Variants in TARS1 observed in about 807,000 individuals in gnomAD.
TARS1 encodes threonyl-tRNA synthetase 1.
A neutral mutation model predicts 97.7 loss-of-function variants in TARS1; 57 were observed. The ratio of observed to expected loss-of-function variants is 0.58; its 90% CI spans 0.47 to 0.73. TARS1 has a LOEUF of 0.73. Ranked by LOEUF, TARS1 falls within the 30% of genes least tolerant of loss-of-function variation. TARS1 has a pLI of 0.00. For synonymous variants in TARS1, 312 were observed against 293.7 expected, an observed-to-expected ratio of 1.06 and a Z score of -0.64; for missense variants, 806 against 888.3, an observed-to-expected ratio of 0.91 and a Z score of 1.18.
intron 17 of TARS1, among the ~76,000 whole-genome samples, chr5:33,464,893 G>A (rs933090184): frequency 6.6e-6 from 1 of 151,594 alleles, no homozygotes; most frequent in East Asian, 1.9e-4. Flanking sequence ...GTGAAACCCC[G>A]TCTCTACTAA....
rs149737496 is a variant in TARS1 at position 33,441,022 on chromosome 5, C to T, written c.-65C>T. The T allele has an allele frequency of 3.5e-4, 557 of 1,606,740 alleles. 2 individuals are homozygous for T. In the African/African-American group the frequency reaches 6.4e-3, roughly 18 times the overall value. Reference sequence around the variant, plus strand: ...CCCGGGCGCTAGCCCACCTCCCACCCGCCTCTTGGCTCCTCTCCTCTAGGC... The same window carrying T: ...CCCGGGCGCTAGCCCACCTCCCACCTGCCTCTTGGCTCCTCTCCTCTAGGC... On this transcript the variant is annotated 5_prime_UTR_variant, in exon 1 of 19. Transcript: ENST00000265112.
rs147899250 is a variant in TARS1, at chr5:33,464,329, C to T, written c.1908+504C>T. On this transcript the variant is annotated intron_variant, in intron 17 of 18. Coordinates refer to ENST00000265112, the MANE Select transcript of TARS1 (RefSeq NM_152295.5). ...AAATACAGTTTAGGCTGCTCTTTGA[C>T]TCAGTGAGTAATTTTGCTTCATTTT... 4.5e-3 allele frequency among the ~76,000 whole-genome samples: 692 copies of T among 152,282 alleles called. 3 individuals carry two copies. The highest frequency in any genetic ancestry group is 6.7e-3 in the Non-Finnish European group (458 of 68,016).
intron 3 of TARS1, chr5:33,452,201 G>A (rs1024388672): frequency 1.5e-6 from 1 of 672,142 alleles, no homozygotes. Flanking sequence ...GAGATTTACA[G>A]TGTAAAGGGT....
intron 3 of TARS1, among the ~76,000 whole-genome samples, chr5:33,450,443 A>G (rs1741675484): frequency 6.6e-6 from 1 of 152,228 alleles, no homozygotes; most frequent in Admixed American, 6.5e-5. Context: ...TACCACAGAC[A>G]TTAGTTAGTA....
chr5:33,460,021 A>C, intron 11 of TARS1, 160 bp downstream of exon 11: 4 of 594,084 alleles, frequency 6.7e-6, no homozygotes, highest in Middle Eastern at 5.0e-4. Context: ...ACCTGATTAG[A>C]TCCCCACTTT....
intron 3 of TARS1, among the ~76,000 whole-genome samples, chr5:33,452,917 G>A (rs1275112487): frequency 6.6e-6 from 1 of 151,544 alleles, no homozygotes; most frequent in African/African-American, 2.4e-5. Flanking sequence ...CAGGCCAGGA[G>A]GCCAGCCTGC....
chr5:33,455,524 C>T lies in TARS1; in HGVS notation c.576-63C>T, dbSNP rs571394044. ...ATTCCAAATACTATTTCCAAATGAA[C>T]ATTTTTCGAAGCCATGGTGTGATTC... On this transcript the variant is annotated intron_variant, in intron 5 of 18. Transcript: ENST00000265112. The T allele has an allele frequency of 1.1e-5, 12 of 1,092,174 alleles. No individual in the cohort carries two copies. In the East Asian group the frequency reaches 2.4e-4, roughly 22 times the overall value. 67.7% of individuals were successfully genotyped at this position (1,092,174 alleles called of 1,614,324 possible).
rs1360638115 is a variant in TARS1 at position 33,441,219 on chromosome 5, G to GGGGGGCA, written c.57+79_57+85dup. ...CAGACGCTACGCTCGCGGCGGGAGC[G>GGGGGGCA]GGGGGCAGGAAGCAGGAAGCGGCCG... On this transcript the variant is annotated intron_variant, in intron 1 of 18. Coordinates refer to ENST00000265112, the MANE Select transcript of TARS1 (RefSeq NM_152295.5). The GGGGGGCA allele has an allele frequency of 1.2e-5, 19 of 1,580,052 alleles. 1 individual carries two copies. Among genetic ancestry groups the GGGGGGCA allele is most frequent in the Non-Finnish European group, 1.7e-5 (19 of 1,151,428 alleles).
rs753448647 is a variant in TARS1, at chr5:33,453,371, A to G, written c.412A>G (p.Thr138Ala). ...GGACCGCCCTCTGGAAGAAGATTGT[A>G]CCTTGGAGCTTCTCAAGTTTGAGGA... ...DLDRPLEEDC[T>A]LELLKFEDEE... Residue 138 changes from threonine (T) to alanine (A), a missense_variant, in exon 4 of 19, where the codon ACC becomes GCC. Transcript: ENST00000265112. 3.7e-6 allele frequency: 6 copies of G among 1,611,550 alleles called. No individual in the cohort carries two copies. The African/African-American group carries it at 5.4e-5, about 14-fold the overall frequency.
intron 10 of TARS1, among the ~76,000 whole-genome samples, chr5:33,459,344 G>T (rs1159586550): frequency 1.3e-5 from 2 of 152,160 alleles, no homozygotes; most frequent in South Asian, 4.1e-4. Context: ...TTGTGTATCA[G>T]ACTGCCTTGT....
chr5:33,458,768 T>C, intron 10 of TARS1, 104 bp downstream of exon 10: 1 of 917,750 alleles, frequency 1.1e-6, no homozygotes, highest in South Asian at 1.7e-5. Flanking sequence ...AGAAGAAATA[T>C]ATAAGACGAT....
chr5:33,461,167 GA>G lies in TARS1; in HGVS notation c.1426del (p.Ile476Ter). The G allele has an allele frequency of 6.2e-7, 1 of 1,604,132 alleles. No homozygotes were observed. The highest frequency in any genetic ancestry group is 2.2e-5 in the East Asian group (1 of 44,766). ...IFCAMEQIED[E>X]IKGCLDFLRT... ...GTTTTTTAATTTGAAGATTGAAGAT[GA>G]AATAAAAGGTTGTTTGGATTTTCTA... On this transcript the variant is annotated frameshift_variant, in exon 13 of 19. Transcript: ENST00000265112. LOFTEE classifies it high-confidence loss of function.
intron 1 of TARS1, among the ~76,000 whole-genome samples, chr5:33,443,316 T>TCC (rs1363076183): frequency 3.3e-5 from 4 of 120,632 alleles, no homozygotes; most frequent in African/African-American, 1.4e-4. Context: ...CCTCTCTCTC[T>TCC]CTCCCTCTCT....
At chr5:33,460,507 G>A (rs1415721346) in intron 11 of TARS1, among the ~76,000 whole-genome samples, 1 of 152,202 alleles carries the variant, frequency 6.6e-6, no homozygotes, top group Non-Finnish European at 1.5e-5. Context: ...AACAGCTTAA[G>A]GGAAGACACA....
At chr5:33,447,970 A>G (rs1380401169) in intron 2 of TARS1, among the ~76,000 whole-genome samples, 1 of 152,176 alleles carries the variant, frequency 6.6e-6, no homozygotes, top group Non-Finnish European at 1.5e-5. Context: ...TTTATATAGA[A>G]TATTTTTGTT....
At chr5:33,451,386 T>G (rs1218162455) in intron 3 of TARS1, among the ~76,000 whole-genome samples, 1 of 151,718 alleles carries the variant, frequency 6.6e-6, no homozygotes, top group Non-Finnish European at 1.5e-5. Flanking sequence ...TTTTTTTTTT[T>G]TTTGAGACGG....
intron 9 of TARS1, 149 bp from the exon 10 acceptor site, chr5:33,458,417 G>T: frequency 1.8e-6 from 1 of 560,860 alleles, no homozygotes; most frequent in Non-Finnish European, 3.0e-6. Flanking sequence ...CAGAAACACT[G>T]ACATGGTTTC....
At chr5:33,452,261 T>C (rs1741783124) in intron 3 of TARS1, 2 of 1,103,248 alleles carry the variant, frequency 1.8e-6, no homozygotes, top group Admixed American at 2.0e-5. Context: ...CGTTGAGATG[T>C]CCAGGCTGTT....
Position 33,458,565 on chromosome 5 carries a change from G to C in TARS1, c.985-1G>C. 1 of 1,611,580 alleles carries C rather than the reference G, an allele frequency of 6.2e-7. No homozygotes were observed. The highest frequency in any genetic ancestry group is 8.5e-7 in the Non-Finnish European group (1 of 1,179,190). On this transcript the variant is annotated splice_acceptor_variant, in intron 9 of 18. Coordinates refer to ENST00000265112, the MANE Select transcript of TARS1 (RefSeq NM_152295.5). LOFTEE classifies it high-confidence loss of function. ...CATTCTTTTGCTTTTCTTTTACCCA[G>C]GACCAAGAACTATATTTCTTTCATG...
Sources: gnomAD v4.1 joint callset for allele counts (sites outside exome capture counted in the v4.1 genomes callset) on GRCh38, gnomAD v4.1.1 for gene constraint, MANE v1.5 for transcripts, NCBI Gene and HGNC (gene_info 2026-07-23, HGNC 2026-07-21) for gene names.